Variants in MED13L observed in about 807,000 individuals in gnomAD.
MED13L encodes mediator of RNA polymerase II transcription subunit 13-like.
In MED13L, 7 loss-of-function variants were observed where a neutral mutation model predicts 220.9. The ratio of observed to expected loss-of-function variants is 0.03; its 90% CI spans 0.02 to 0.06. MED13L has a LOEUF of 0.06. MED13L is among the 10% of genes least tolerant of loss of function. The probability of loss-of-function intolerance (pLI) is 1.00; values close to 1 mark genes in which losing one functional copy is unlikely to be tolerated. For synonymous variants in MED13L, 1,011 were observed against 1,015.2 expected (o/e 1.00, Z 0.08); for missense variants, 1,965 against 2,760.5 (o/e 0.71, Z 6.46).
intron 2 of MED13L, among the ~76,000 whole-genome samples, chr12:116,164,718 G>T (rs571016841): frequency 6.6e-6 from 1 of 152,128 alleles, no homozygotes; most frequent in Non-Finnish European, 1.5e-5. Flanking sequence ...ACTGCTAACC[G>T]ATGTCACACT....
intron 4 of MED13L, among the ~76,000 whole-genome samples, chr12:116,068,983 G>A (rs1056311979): frequency 4.6e-5 from 7 of 152,124 alleles, no homozygotes; most frequent in East Asian, 1.9e-4. Context: ...CGTCATTACC[G>A]AGTGCCATGA....
chr12:116,142,072 G>A (rs559084279), intron 2 of MED13L, among the ~76,000 whole-genome samples: 8 of 151,916 alleles, frequency 5.3e-5, no homozygotes, highest in South Asian at 2.1e-4. Context: ...CCTCTTTTAG[G>A]TCTCACCTCA....
intron 25 of MED13L, among the ~76,000 whole-genome samples, chr12:115,973,403 T>C (rs1305401039): frequency 6.6e-6 from 1 of 152,200 alleles, no homozygotes; most frequent in Non-Finnish European, 1.5e-5. Context: ...TACACTAGGT[T>C]CTTCCTGTGT....
intron 22 of MED13L, 64 bp from the exon 23 acceptor site, chr12:115,981,002 T>G: frequency 7.1e-7 from 1 of 1,406,820 alleles, no homozygotes; most frequent in East Asian, 2.3e-5. Flanking sequence ...TCTAACACAC[T>G]AACAAGCAAG....
intron 4 of MED13L, among the ~76,000 whole-genome samples, chr12:116,065,565 A>C (rs1869855409): frequency 1.3e-5 from 2 of 152,220 alleles, no homozygotes; most frequent in Admixed American, 6.5e-5. Context: ...CCTTCTGACC[A>C]GATCCAAGCT....
chr12:116,011,913 G>A lies in MED13L; in HGVS notation c.1280+884C>T, dbSNP rs879441038. ...AGCAGTCTGCATATATGCAGGGGGC[G>A]TATGGACTACCTCCTCAGCCTGAAG... On this transcript the variant is annotated intron_variant, in intron 9 of 30. Coordinates refer to ENST00000281928, the MANE Select transcript of MED13L (RefSeq NM_015335.5). Among the ~76,000 whole-genome samples the A allele has an allele frequency of 2.6e-5, 4 of 152,296 alleles. No individual in the cohort carries two copies. In the East Asian group the frequency reaches 5.8e-4, roughly 22 times the overall value.
chr12:116,105,055 C>G (rs1873433070), intron 3 of MED13L, among the ~76,000 whole-genome samples: 1 of 152,178 alleles, frequency 6.6e-6, no homozygotes, highest in Non-Finnish European at 1.5e-5. Context: ...AAAACTTATA[C>G]TAACTATCCT....
chr12:116,070,720 A>C (rs1295296486), intron 4 of MED13L, among the ~76,000 whole-genome samples: 1 of 152,220 alleles, frequency 6.6e-6, no homozygotes, highest in Admixed American at 6.5e-5. Context: ...CAGCATATAA[A>C]GTACACAAGT....
chr12:116,154,789 T>C (rs1047814924), intron 2 of MED13L, among the ~76,000 whole-genome samples: 1 of 152,182 alleles, frequency 6.6e-6, no homozygotes, highest in South Asian at 2.1e-4. Context: ...TATTTTTCGA[T>C]AAAGATATTC....
At chr12:115,979,671 T>C (rs1360739251) in intron 23 of MED13L, among the ~76,000 whole-genome samples, 4 of 152,230 alleles carry the variant, frequency 2.6e-5, no homozygotes, top group African/African-American at 7.2e-5. Context: ...CAGAACAACA[T>C]TACCAACTAA....
intron 2 of MED13L, among the ~76,000 whole-genome samples, chr12:116,133,811 T>C (rs1876283916): frequency 6.6e-6 from 1 of 152,150 alleles, no homozygotes; most frequent in South Asian, 2.1e-4. Context: ...AAGATCACTT[T>C]TGGAGTGCAA....
intron 2 of MED13L, among the ~76,000 whole-genome samples, chr12:116,212,302 AGTT>A (rs755888057): frequency 5.4e-4 from 83 of 152,346 alleles, no homozygotes; most frequent in Middle Eastern, 3.4e-3. Context: ...CATGAGATTA[AGTT>A]GTTAACTATT....
intron 9 of MED13L, 82 bp from the exon 10 acceptor site, chr12:116,009,214 A>G: frequency 7.1e-7 from 1 of 1,411,430 alleles, no homozygotes; most frequent in South Asian, 1.2e-5. Flanking sequence ...TAAAGCATAC[A>G]TTAGATGTAC....
chr12:116,056,883 CTTTG>C (rs1214412944), intron 4 of MED13L, among the ~76,000 whole-genome samples: 2 of 152,150 alleles, frequency 1.3e-5, no homozygotes, highest in African/African-American at 4.8e-5. Flanking sequence ...GGTTTGTGAT[CTTTG>C]TTTCTTTCCT....
intron 2 of MED13L, among the ~76,000 whole-genome samples, chr12:116,143,449 A>T (rs1877252248): frequency 6.6e-6 from 1 of 152,160 alleles, no homozygotes; most frequent in Admixed American, 6.5e-5. Flanking sequence ...CCAATTCATA[A>T]TGGGTGTGTC....
intron 2 of MED13L, among the ~76,000 whole-genome samples, chr12:116,116,435 G>A (rs1219910511): frequency 6.6e-6 from 1 of 152,112 alleles, no homozygotes; most frequent in Non-Finnish European, 1.5e-5. Flanking sequence ...CTCAGAGAAG[G>A]CATGGAAGCT....
At position 116,008,622 on chromosome 12, in the gene MED13L, G is replaced by A. The variant is rs1302339188; in HGVS notation, c.1791C>T (p.Asp597=). ...GTCTTTGGCCTACGAGGACAGTTCT[G>A]TCATCCAGAGTAGACAACTGCTGGA... ...LELQQLSTLD[D]RTVLVGQRLP... is the part of the protein sequence containing the mutation. The change falls in exon 10 of 31, where the codon GAC becomes GAT. Residue 597 remains aspartate, a synonymous_variant. Coordinates refer to ENST00000281928, the MANE Select transcript of MED13L (RefSeq NM_015335.5). 3.7e-6 allele frequency: 6 copies of A among 1,613,968 alleles called. No homozygotes were observed. The East Asian group carries it at 6.7e-5, about 18-fold the overall frequency.
In MED13L at chr12:115,963,514, C is replaced by T. The variant is rs777749745; in HGVS notation, c.6393G>A (p.Ser2131=). The change falls in exon 30 of 31, where the codon TCG becomes TCA. Residue 2131 remains serine, a synonymous_variant. Coordinates refer to ENST00000281928, the MANE Select transcript of MED13L (RefSeq NM_015335.5). The stretch of plus-strand genomic sequence containing the variant: ...GTGCTACTGAAATGTGGTGATGCAG[C>T]GAAGCCTGGTGAAAAAACAAAGAGA... ...QNQCPLFLKA[S]LHHHISVAQT... is the part of the protein sequence containing the mutation. The T allele has an allele frequency of 9.3e-6, 15 of 1,612,372 alleles. No individual in the cohort carries two copies. The highest frequency in any genetic ancestry group is 6.7e-5 in the Admixed American group (4 of 59,954).
At chr12:115,992,355 C>T (rs530215821) in intron 16 of MED13L, among the ~76,000 whole-genome samples, 12 of 152,122 alleles carry the variant, frequency 7.9e-5, no homozygotes, top group Admixed American at 7.2e-4. Flanking sequence ...AGCTAGAGGA[C>T]CATAGGATGA....
Sources: allele counts gnomAD v4.1 joint callset (sites outside exome capture counted in the v4.1 genomes callset), GRCh38; gene constraint gnomAD v4.1.1; transcripts MANE v1.5; gene names NCBI Gene and HGNC (gene_info 2026-07-23, HGNC 2026-07-21).